The following NBEA variants were observed in gnomAD, a reference collection of about 807,000 sequenced individuals.
The protein encoded by NBEA is neurobeachin.
NBEA carries 44 observed loss-of-function variants against 343.4 expected under a neutral mutation model. The ratio of observed to expected loss-of-function variants is 0.13; its 90% CI spans 0.10 to 0.16. NBEA has a LOEUF of 0.16. Ranked by LOEUF, NBEA falls within the 10% of genes least tolerant of loss-of-function variation. NBEA has a pLI of 1.00. For synonymous variants in NBEA, 1,175 were observed against 1,238.7 expected, an observed-to-expected ratio of 0.95 and a Z score of 1.08; for missense variants, 2,555 against 3,631.3, an observed-to-expected ratio of 0.70 and a Z score of 7.62.
At chr13:35,267,161 C>T (rs1422279899) in intron 34 of NBEA, among the ~76,000 whole-genome samples, 2 of 151,640 alleles carry the variant, frequency 1.3e-5, no homozygotes, top group South Asian at 2.1e-4. Context: ...GTGGCAAAGA[C>T]GGAATAAAAT....
At chr13:35,660,488 T>G (rs2085038256) in intron 55 of NBEA, among the ~76,000 whole-genome samples, 1 of 152,224 alleles carries the variant, frequency 6.6e-6, no homozygotes, top group African/African-American at 2.4e-5. Flanking sequence ...AATAAGTATT[T>G]TAGCTCGTGT....
rs181983754 is a variant in NBEA at position 35,565,272 on chromosome 13, A to G, written c.6923-1633A>G. 5.9e-5 allele frequency among the ~76,000 whole-genome samples: 9 copies of G among 152,366 alleles called. No individual in the cohort carries two copies. The East Asian group carries it at 1.3e-3, about 23-fold the overall frequency. The stretch of plus-strand genomic sequence containing the variant: ...TTAGTTGTAAAATGCAAAGCTTCAT[A>G]TAATAAACAGATAAAATAGTCATCA... On this transcript the variant is annotated intron_variant, in intron 44 of 58. Coordinates refer to ENST00000379939, the MANE Select transcript of NBEA (RefSeq NM_001385012.1).
chr13:35,652,763 C>T (rs1216232088), intron 53 of NBEA, among the ~76,000 whole-genome samples: 2 of 118,686 alleles, frequency 1.7e-5, no homozygotes, highest in Admixed American at 1.2e-4. Flanking sequence ...GGCGCGATCT[C>T]GGCTCACTGC....
chr13:35,417,307 A>T (rs912960470), intron 38 of NBEA, among the ~76,000 whole-genome samples: 5 of 151,746 alleles, frequency 3.3e-5, no homozygotes, highest in African/African-American at 1.2e-4. Flanking sequence ...TTGCTTCTCT[A>T]GTTCTTTTAA....
At chr13:35,527,976 G>A (rs1163525728) in intron 41 of NBEA, among the ~76,000 whole-genome samples, 4 of 152,122 alleles carry the variant, frequency 2.6e-5, no homozygotes, top group Admixed American at 1.3e-4. Flanking sequence ...CAGCCTGGGT[G>A]ACAAAGCAAG....
chr13:35,161,674 T>C (rs1293739724), intron 22 of NBEA, 76 bp from the exon 23 acceptor site: 13 of 1,192,308 alleles, frequency 1.1e-5, no homozygotes, highest in Non-Finnish European at 1.4e-5. Context: ...TTATTCACTT[T>C]ACTATACTCA....
intron 41 of NBEA, among the ~76,000 whole-genome samples, chr13:35,527,990 C>G (rs2152996634): frequency 6.6e-6 from 1 of 152,266 alleles, no homozygotes; most frequent in East Asian, 1.9e-4. Context: ...AAGCAAGACC[C>G]TGTCTCAAAA....
intron 38 of NBEA, among the ~76,000 whole-genome samples, chr13:35,419,134 T>G (rs770620270): frequency 6.6e-6 from 1 of 152,058 alleles, no homozygotes; most frequent in South Asian, 2.1e-4. Flanking sequence ...TCAAAAAGTT[T>G]TGGGTTTTGG....
rs577777597 is a variant in NBEA, at chr13:35,587,100, G to A, written c.7176+3062G>A. ...AACTACATTCTCAATCATTACTGCC[G>A]CCAGTGGAAAATTACCTATTAGCTG... On this transcript the variant is annotated intron_variant, in intron 46 of 58. Transcript: ENST00000379939. Among the ~76,000 whole-genome samples the A allele has an allele frequency of 3.9e-5, 6 of 152,098 alleles. No individual in the cohort carries two copies. In the South Asian group the frequency reaches 6.2e-4, roughly 16 times the overall value.
chr13:35,577,327 G>A (rs1176752963), intron 45 of NBEA, among the ~76,000 whole-genome samples: 2 of 152,180 alleles, frequency 1.3e-5, no homozygotes, highest in Non-Finnish European at 2.9e-5. Context: ...TAGACCAAGA[G>A]TGGGGAAGGA....
intron 36 of NBEA, among the ~76,000 whole-genome samples, chr13:35,339,916 C>T (rs982731319): frequency 6.6e-6 from 1 of 152,050 alleles, no homozygotes; most frequent in Non-Finnish European, 1.5e-5. Context: ...CTTCAACATA[C>T]AATTTGGGTG....
intron 55 of NBEA, among the ~76,000 whole-genome samples, chr13:35,658,000 C>T (rs2084899963): frequency 6.6e-6 from 1 of 151,958 alleles, no homozygotes; most frequent in Non-Finnish European, 1.5e-5. Flanking sequence ...ATCTCTTAAA[C>T]CAAAAGATGG....
At chr13:35,079,480 G>C (rs2064275761) in intron 10 of NBEA, among the ~76,000 whole-genome samples, 2 of 152,086 alleles carry the variant, frequency 1.3e-5, no homozygotes, top group South Asian at 4.1e-4. Context: ...CAATAAGCCA[G>C]AATCCAAATA....
intron 10 of NBEA, among the ~76,000 whole-genome samples, chr13:35,088,776 TTTGA>T (rs1387437098): frequency 2.7e-5 from 4 of 150,542 alleles, no homozygotes; most frequent in African/African-American, 7.3e-5. Flanking sequence ...CTATCTGATC[TTTGA>T]CAAACCTGAG....
intron 38 of NBEA, among the ~76,000 whole-genome samples, chr13:35,391,182 G>A (rs1047872461): frequency 2.0e-5 from 3 of 151,956 alleles, no homozygotes; most frequent in African/African-American, 4.8e-5. Flanking sequence ...TGCTGAGGCA[G>A]GAGAATCACT....
At chr13:35,375,521 C>T (rs1482691814) in intron 38 of NBEA, among the ~76,000 whole-genome samples, 1 of 152,052 alleles carries the variant, frequency 6.6e-6, no homozygotes, top group African/African-American at 2.4e-5. Flanking sequence ...CCCCTTCCAC[C>T]TTAACTGAAT....
chr13:35,670,018 T>G (rs1042896050), intron 58 of NBEA, among the ~76,000 whole-genome samples: 7 of 152,262 alleles, frequency 4.6e-5, no homozygotes, highest in Non-Finnish European at 1.0e-4. Context: ...TTTCTATTTC[T>G]ATTTTAACCT....
intron 30 of NBEA, among the ~76,000 whole-genome samples, chr13:35,191,548 T>G (rs564791362): frequency 1.3e-5 from 2 of 149,184 alleles, no homozygotes; most frequent in Admixed American, 1.4e-4. Context: ...AAAATGAACT[T>G]TAATGAGGAT....
chr13:35,162,017 C>T (rs2069598260), intron 23 of NBEA, 50 bp downstream of exon 23: 2 of 1,441,606 alleles, frequency 1.4e-6, no homozygotes. Context: ...TAAAATATGC[C>T]ATTGCCTATT....
Sources: gnomAD v4.1 joint callset for allele counts (sites outside exome capture counted in the v4.1 genomes callset) on GRCh38, gnomAD v4.1.1 for gene constraint, MANE v1.5 for transcripts, NCBI Gene and HGNC (gene_info 2026-07-23, HGNC 2026-07-21) for gene names.